SETD1A: variants seen among roughly 807,000 people sequenced by gnomAD.
SETD1A encodes SET domain containing 1A, histone lysine methyltransferase, also known as histone-lysine N-methyltransferase SETD1A.
SETD1A carries 29 observed loss-of-function variants against 149.9 expected under a neutral mutation model. That is an observed-to-expected ratio of 0.19 (90% CI 0.14 to 0.26). The LOEUF (loss-of-function observed/expected upper bound fraction) is 0.26. Among genes scored for constraint, SETD1A ranks in the 10% least tolerant of loss-of-function variants. The probability of loss-of-function intolerance (pLI) is 1.00; values close to 1 mark genes in which losing one functional copy is unlikely to be tolerated. For missense variants in SETD1A, 2,109 were observed against 2,353.1 expected, an observed-to-expected ratio of 0.90 and a Z score of 2.15; for synonymous variants, 1,141 against 968.5, an observed-to-expected ratio of 1.18 and a Z score of -3.31.
chr16:30,980,606 C>T lies in SETD1A; in HGVS notation c.4530C>T (p.Tyr1510=). ...TCAGCAAGAAGGAGAAGGACAAGTA[C>T]CTGGACGTGTGCCCAGTCTCGGCCC... ...YPISKKEKDK[Y]LDVCPVSARQ... Residue 1510 remains tyrosine (Y), a synonymous_variant, in exon 15 of 19, where the codon TAC becomes TAT. Transcript: ENST00000262519. This position sits in a 1 kb window ranked among gnomAD's most constrained non-coding sequence, Gnocchi z 7.7. The T allele has an allele frequency of 1.2e-6, 2 of 1,614,010 alleles. No individual in the cohort carries two copies. The highest frequency in any genetic ancestry group is 1.6e-4 in the Middle Eastern group (1 of 6,062).
In SETD1A at chr16:30,984,621, G is replaced by A. The variant is rs561344247; in HGVS notation, c.*598G>A. 9.8e-5 allele frequency: 15 copies of A among 153,196 alleles called. No homozygotes were observed. Among genetic ancestry groups the A allele is most frequent in the East Asian group, 1.9e-4 (1 of 5,186 alleles). The allele number at this position is 153,196 out of a possible 1,614,324, so 9.5% of individuals were successfully genotyped here. ...GTACATATGTTAATAGCGCAAACCC[G>A]ACGCCACATTTTTATAATTGTGATT... is the stretch of plus-strand genomic sequence containing the variant. On this transcript the variant is annotated 3_prime_UTR_variant, in exon 19 of 19. Coordinates refer to ENST00000262519, the MANE Select transcript of SETD1A (RefSeq NM_014712.3).
At position 30,984,031 on chromosome 16, in the gene SETD1A, C is replaced by A; in HGVS notation, c.*8C>A. 6.2e-7 allele frequency: 1 copy of A among 1,609,106 alleles called. No individual in the cohort carries two copies. Among genetic ancestry groups the A allele is most frequent in the South Asian group, 1.1e-5 (1 of 90,306 alleles). On this transcript the variant is annotated 3_prime_UTR_variant, in exon 19 of 19. Coordinates refer to ENST00000262519, the MANE Select transcript of SETD1A (RefSeq NM_014712.3). ...CGGGGCTCCCTAAACTGAGGTGGGG[C>A]AGGATGGGTGCCCACACCCCTATTT...
chr16:30,966,643 C>G (rs867781854), intron 8 of SETD1A, among the ~76,000 whole-genome samples: 4 of 152,226 alleles, frequency 2.6e-5, no homozygotes, highest in Non-Finnish European at 5.9e-5. Context: ...CCTTAGCTCT[C>G]TTCAAGCTTT....
intron 7 of SETD1A, 36 bp downstream of exon 7, chr16:30,965,497 T>C (rs760457722): frequency 1.3e-6 from 2 of 1,582,406 alleles, no homozygotes; most frequent in Non-Finnish European, 1.7e-6. Flanking sequence ...GCACCTGGGC[T>C]CTGGGAGTCA....
intron 5 of SETD1A, 34 bp downstream of exon 5, chr16:30,963,588 A>C: frequency 6.3e-7 from 1 of 1,598,678 alleles, no homozygotes; most frequent in South Asian, 1.1e-5. Flanking sequence ...GCCCCTAGCC[A>C]TGTGGGCATG....
chr16:30,980,134 C>T lies in SETD1A; in HGVS notation c.4348C>T (p.Leu1450=), dbSNP rs1201963125. The T allele has an allele frequency of 3.1e-6, 5 of 1,611,750 alleles. No individual in the cohort carries two copies. The highest frequency in any genetic ancestry group is 4.2e-6 in the Non-Finnish European group (5 of 1,179,286). ...TTACCTGCGGCTTACGTACGAGCGG[C>T]TGCTGCAGCAGACAAGCGGGGCTGA... ...MSYLRLTYER[L]LQQTSGADWL... The change falls in exon 14 of 19, where the codon CTG becomes TTG. Residue 1450 remains leucine, a synonymous_variant. Coordinates refer to ENST00000262519, the MANE Select transcript of SETD1A (RefSeq NM_014712.3). This position sits in a 1 kb window ranked among gnomAD's most constrained non-coding sequence, Gnocchi z 7.7.
chr16:30,979,009 G>A (rs1224737634), intron 13 of SETD1A, 136 bp from the exon 14 acceptor site: 3 of 845,594 alleles, frequency 3.5e-6, no homozygotes, highest in Non-Finnish European at 5.4e-6. Context: ...TGGGGCTGAG[G>A]CCAGGGCGTC....
At position 30,964,396 on chromosome 16, in the gene SETD1A, G is replaced by A. The variant is rs1289528839; in HGVS notation, c.869+73G>A. The A allele has an allele frequency of 1.7e-5, 23 of 1,392,404 alleles. No individual in the cohort carries two copies. In the East Asian group the frequency reaches 5.2e-4, roughly 31 times the overall value. 86.3% of individuals were successfully genotyped at this position (1,392,404 alleles called of 1,614,324 possible). On this transcript the variant is annotated intron_variant, in intron 6 of 18. Transcript: ENST00000262519. The stretch of plus-strand genomic sequence containing the variant: ...TGCCACTGGGAAGAAGATGCCCAGA[G>A]TCTGTCTCCAAGAGGGAGTTGGAAA...
At chr16:30,963,181 C>G (rs1015954864) in intron 4 of SETD1A, among the ~76,000 whole-genome samples, 61 of 152,274 alleles carry the variant, frequency 4.0e-4, no homozygotes, top group African/African-American at 1.4e-3. Context: ...TTCTGGTGAT[C>G]CAACATGGTA....
intron 13 of SETD1A, among the ~76,000 whole-genome samples, chr16:30,976,513 A>G (rs188351219): frequency 6.6e-6 from 1 of 152,108 alleles, no homozygotes; most frequent in Non-Finnish European, 1.5e-5. Context: ...GTGCTGGGAC[A>G]GGAGAGGGCA....
intron 13 of SETD1A, among the ~76,000 whole-genome samples, chr16:30,978,167 G>C (rs551332299): frequency 2.0e-5 from 3 of 152,004 alleles, no homozygotes; most frequent in East Asian, 1.9e-4. Context: ...CCAGCTACTC[G>C]GGAGGCTGAG....
Position 30,969,593 on chromosome 16 carries a change from TTTC to T in SETD1A, c.2929-6_2929-4del. 3 of 1,613,786 alleles carry T rather than the reference TTTC, an allele frequency of 1.9e-6. No homozygotes were observed. The highest frequency in any genetic ancestry group is 2.5e-6 in the Non-Finnish European group (3 of 1,179,706). Reference sequence around the variant, plus strand: ...TTCCTGTTAGTCCTCATTTGTCTTTTTTCTTAAGGATGAGGAGGATGACGAGGA... The same window carrying T: ...TTCCTGTTAGTCCTCATTTGTCTTTTTTAAGGATGAGGAGGATGACGAGGA... On this transcript the variant is annotated splice_polypyrimidine_tract_variant and splice_region_variant and intron_variant, in intron 11 of 18. Transcript: ENST00000262519.
chr16:30,967,864 T>G (rs1017789763), intron 10 of SETD1A, among the ~76,000 whole-genome samples: 27 of 152,176 alleles, frequency 1.8e-4, no homozygotes, highest in Non-Finnish European at 2.8e-4. Flanking sequence ...AATTCCGAGT[T>G]AAACGAGGCA....
At position 30,963,986 on chromosome 16, in the gene SETD1A, C is replaced by T. The variant is rs181797538; in HGVS notation, c.640-108C>T. 4,449 of 896,782 alleles carry T rather than the reference C, an allele frequency of 5.0e-3. 26 individuals carry two copies. The highest frequency in any genetic ancestry group is 5.2e-3 in the Non-Finnish European group (3,019 of 579,416). The allele number at this position is 896,782 out of a possible 1,614,324, so 55.6% of individuals were successfully genotyped here. ...CAGCCTGGGCAATAGAGCGAGACTC[C>T]GTCTCAAAAAAAAAAAAAGGGAACT... On this transcript the variant is annotated intron_variant, in intron 5 of 18. Transcript: ENST00000262519.
In SETD1A at chr16:30,961,648, G is replaced by A; in HGVS notation, c.517+111G>A. The A allele has an allele frequency of 2.1e-6, 2 of 952,022 alleles. No homozygotes were observed. The highest frequency in any genetic ancestry group is 3.2e-6 in the Non-Finnish European group (2 of 627,752). 59.0% of individuals were successfully genotyped at this position (952,022 alleles called of 1,614,324 possible). A position where few individuals can be genotyped will look rare whatever the true frequency, so the allele number is the denominator to read the frequency against. The stretch of plus-strand genomic sequence containing the variant: ...AGGGTCATGATCTGAAACTGCTGGG[G>A]CCAGTTGTGTTTCTGAAATCAGATC... On this transcript the variant is annotated intron_variant, in intron 4 of 18. Coordinates refer to ENST00000262519, the MANE Select transcript of SETD1A (RefSeq NM_014712.3). The surrounding 1 kb of genome is among the most constrained non-coding windows in gnomAD (Gnocchi z 4.0).
At chr16:30,962,590 A>G (rs566901828) in intron 4 of SETD1A, among the ~76,000 whole-genome samples, 1 of 152,308 alleles carries the variant, frequency 6.6e-6, no homozygotes, top group African/African-American at 2.4e-5. Context: ...GGCAGCCATT[A>G]GTAGGCACTG....
chr16:30,963,322 C>G (rs771904719), intron 4 of SETD1A, 111 bp from the exon 5 acceptor site: 5 of 1,077,240 alleles, frequency 4.6e-6, no homozygotes, highest in Non-Finnish European at 5.2e-6. Flanking sequence ...ATCCTGAAAC[C>G]CAGATTCCAA....
chr16:30,976,899 A>G (rs570607672), intron 13 of SETD1A, among the ~76,000 whole-genome samples: 1 of 152,116 alleles, frequency 6.6e-6, no homozygotes, highest in East Asian at 1.9e-4. Context: ...TACCGAGGAC[A>G]GAGGAGCCGT....
chr16:30,965,432 G>C lies in SETD1A; in HGVS notation c.1690G>C (p.Glu564Gln), dbSNP rs748504813. The change falls in exon 7 of 19, where the codon GAG becomes CAG. Residue 564 changes from glutamate to glutamine, a missense_variant. Coordinates refer to ENST00000262519, the MANE Select transcript of SETD1A (RefSeq NM_014712.3). ...GAGCGGGGAGCCAGGGGCTACCCGG[G>C]AGTCTCCCAAGGCAAATGGACAGAA... ...TGSGEPGATR[E>Q]SPKANGQNQA... 5 of 1,602,192 alleles carry C rather than the reference G, an allele frequency of 3.1e-6. No homozygotes were observed. The highest frequency in any genetic ancestry group is 2.2e-5 in the East Asian group (1 of 44,446).
Sources: allele counts gnomAD v4.1 joint callset (sites outside exome capture counted in the v4.1 genomes callset), GRCh38; gene constraint gnomAD v4.1.1; non-coding constraint Gnocchi (gnomAD v3.1); transcripts MANE v1.5; gene names NCBI Gene and HGNC (gene_info 2026-07-23, HGNC 2026-07-21).